The following USP3 variants were observed in gnomAD, a reference collection of about 807,000 sequenced individuals.
USP3 encodes ubiquitin carboxyl-terminal hydrolase 3.
A neutral mutation model predicts 72.3 loss-of-function variants in USP3; 20 were observed. The ratio of observed to expected loss-of-function variants is 0.28; its 90% confidence interval spans 0.19 to 0.40. The LOEUF is 0.40. Among genes scored for constraint, USP3 ranks in the 10% least tolerant of loss-of-function variants. USP3 has a pLI of 1.00. For synonymous variants in USP3, 222 were observed against 225.3 expected (o/e 0.99, Z 0.13); for missense variants, 479 against 633.9 (o/e 0.76, Z 2.62).
intron 1 of USP3, among the ~76,000 whole-genome samples, chr15:63,517,457 T>C (rs1477239433): frequency 6.6e-6 from 1 of 152,172 alleles, no homozygotes; most frequent in South Asian, 2.1e-4. Context: ...TCTTTCAGAT[T>C]GGAGGTTTTC....
chr15:63,544,787 A>G lies in USP3; in HGVS notation c.284+7631A>G, dbSNP rs1180865934. The G allele has an allele frequency of 1.4e-6, 1 of 697,908 alleles. No individual in the cohort carries two copies. The highest frequency in any genetic ancestry group is 2.6e-6 in the Non-Finnish European group (1 of 383,436). The allele number at this position is 697,908 out of a possible 1,614,324, so 43.2% of individuals were successfully genotyped here. A position where few individuals can be genotyped will look rare whatever the true frequency, so the allele number is the denominator to read the frequency against. On this transcript the variant is annotated intron_variant, in intron 3 of 14. Coordinates refer to ENST00000380324, the MANE Select transcript of USP3 (RefSeq NM_006537.4). The surrounding 1 kb of genome is among the most constrained non-coding windows in gnomAD (Gnocchi z 4.2). Reference sequence around the variant, plus strand: ...TAACTCTAAAACTAGAGCAGGTAACACTGAAGTGAAAGGGAAGATTGGGAG... The same window carrying G: ...TAACTCTAAAACTAGAGCAGGTAACGCTGAAGTGAAAGGGAAGATTGGGAG...
chr15:63,538,549 CTTTTT>C (rs746038629), intron 3 of USP3, among the ~76,000 whole-genome samples: 209 of 137,172 alleles, frequency 1.5e-3, no homozygotes, highest in Non-Finnish European at 2.8e-3. Context: ...AGGTCTTTTA[CTTTTT>C]TTTTTTTTTT....
chr15:63,531,891 G>A (rs189374905), intron 1 of USP3, among the ~76,000 whole-genome samples: 56 of 152,190 alleles, frequency 3.7e-4, no homozygotes, highest in African/African-American at 1.3e-3. Flanking sequence ...CCTTCCCCAC[G>A]CCAATGTAGA....
At chr15:63,579,401 A>T (rs2066916841) in intron 11 of USP3, among the ~76,000 whole-genome samples, 1 of 152,262 alleles carries the variant, frequency 6.6e-6, no homozygotes, top group Admixed American at 6.5e-5. Context: ...AATATAGAGC[A>T]GGTGCTAATG....
At chr15:63,533,853 G>A in intron 2 of USP3, 1 of 1,230,936 alleles carries the variant, frequency 8.1e-7, no homozygotes, top group Non-Finnish European at 1.0e-6. Flanking sequence ...TTTTAAAAAA[G>A]AAGAAAAGTA....
intron 1 of USP3, chr15:63,530,732 A>G: frequency 3.1e-6 from 1 of 320,288 alleles, no homozygotes; most frequent in Non-Finnish European, 6.1e-6. Context: ...TAAGCTGTGT[A>G]CTAGTTTACT....
chr15:63,508,977 C>A (rs1360570902), intron 1 of USP3, among the ~76,000 whole-genome samples: 1 of 152,126 alleles, frequency 6.6e-6, no homozygotes, highest in Admixed American at 6.5e-5. Context: ...ATAATTCCAC[C>A]CAAAATACTG....
chr15:63,556,464 C>G (rs1045016025), intron 4 of USP3: 40 of 436,176 alleles, frequency 9.2e-5, no homozygotes, highest in African/African-American at 6.7e-4. Context: ...CAGCCCACCT[C>G]TGCTGGAGGA....
Position 63,588,414 on chromosome 15 carries a change from A to G in USP3, c.1206A>G (p.Lys402=). ...QKSTKKFWIQ[K]LPKVLCLHLK... ...CCACAAAAAAGTTTTGGATTCAAAA[A>G]CTACCCAAGGTGAGTGTTGAATTTT... is the stretch of plus-strand genomic sequence containing the variant. The change falls in exon 12 of 15, where the codon AAA becomes AAG. Residue 402 remains lysine, a synonymous_variant. Coordinates refer to ENST00000380324, the MANE Select transcript of USP3 (RefSeq NM_006537.4). The surrounding 1 kb of genome is among the most constrained non-coding windows in gnomAD (Gnocchi z 4.6). 1 of 1,603,750 alleles carries G rather than the reference A, an allele frequency of 6.2e-7. No homozygotes were observed. The highest frequency in any genetic ancestry group is 8.5e-7 in the Non-Finnish European group (1 of 1,176,320).
At chr15:63,558,933 C>T (rs961261358) in intron 6 of USP3, among the ~76,000 whole-genome samples, 50 of 152,146 alleles carry the variant, frequency 3.3e-4, no homozygotes, top group African/African-American at 1.1e-3. Flanking sequence ...ATTTAAAACT[C>T]GCTTTAAGAG....
rs2066036367 is a variant in USP3 at position 63,529,525 on chromosome 15, A to G, written c.92-3122A>G. ...GTTTTTTGGTTTTTTAAAATGTGTT[A>G]TTGAATTGAGAAATTAAAAAAAATT... On this transcript the variant is annotated intron_variant, in intron 1 of 14. Coordinates refer to ENST00000380324, the MANE Select transcript of USP3 (RefSeq NM_006537.4). The surrounding 1 kb of genome is among the most constrained non-coding windows in gnomAD (Gnocchi z 4.2). 6.6e-6 allele frequency among the ~76,000 whole-genome samples: 1 copy of G among 152,172 alleles called. No homozygotes were observed. The highest frequency in any genetic ancestry group is 2.4e-5 in the African/African-American group (1 of 41,430).
intron 3 of USP3, among the ~76,000 whole-genome samples, chr15:63,548,524 CACCATGTTGGTCAG>C (rs2066389093): frequency 1.3e-5 from 2 of 152,084 alleles, no homozygotes; most frequent in Non-Finnish European, 2.9e-5. Context: ...GACAGGGTTT[CACCATGTTGGTCAG>C]GCTGATCGCG....
At chr15:63,534,013 A>G (rs1366950828) in intron 2 of USP3, 3 of 336,336 alleles carry the variant, frequency 8.9e-6, no homozygotes, top group South Asian at 2.2e-4. Context: ...TGTGCCAATC[A>G]AAAGACCTGA....
At chr15:63,567,217 G>A (rs1487328518) in intron 8 of USP3, among the ~76,000 whole-genome samples, 3 of 152,096 alleles carry the variant, frequency 2.0e-5, no homozygotes, top group Non-Finnish European at 2.9e-5. Context: ...AGACAGTCTC[G>A]CTCTGTTGCC....
At chr15:63,562,164 C>T (rs2066617731) in intron 7 of USP3, among the ~76,000 whole-genome samples, 1 of 152,212 alleles carries the variant, frequency 6.6e-6, no homozygotes, top group Non-Finnish European at 1.5e-5. Context: ...TATAGGACTA[C>T]TCTTTCTTTT....
intron 1 of USP3, among the ~76,000 whole-genome samples, chr15:63,509,005 A>T (rs1014762575): frequency 6.6e-6 from 1 of 152,156 alleles, no homozygotes; most frequent in Non-Finnish European, 1.5e-5. Context: ...ACCCTTTTTT[A>T]AGAGATCCAT....
At chr15:63,572,336 G>C (rs2066792386) in intron 9 of USP3, among the ~76,000 whole-genome samples, 1 of 151,652 alleles carries the variant, frequency 6.6e-6, no homozygotes, top group Non-Finnish European at 1.5e-5. Context: ...GTGAACATCA[G>C]CATGAAAGGG....
chr15:63,586,373 G>T (rs1188997561), intron 11 of USP3, among the ~76,000 whole-genome samples: 1 of 152,154 alleles, frequency 6.6e-6, no homozygotes, highest in Non-Finnish European at 1.5e-5. Flanking sequence ...TTCAAATGAT[G>T]ATTTTAAATG....
At chr15:63,532,329 CT>C (rs1410457495) in intron 1 of USP3, among the ~76,000 whole-genome samples, 11 of 152,156 alleles carry the variant, frequency 7.2e-5, no homozygotes, top group Non-Finnish European at 1.5e-4. Flanking sequence ...GGAAAATAGA[CT>C]GTCGTTAACT....
Sources: allele counts gnomAD v4.1 joint callset (sites outside exome capture counted in the v4.1 genomes callset), GRCh38; gene constraint gnomAD v4.1.1; non-coding constraint Gnocchi (gnomAD v3.1); transcripts MANE v1.5; gene names NCBI Gene and HGNC (gene_info 2026-07-23, HGNC 2026-07-21).